The following FAM117B variants were observed in gnomAD, a reference collection of about 807,000 sequenced individuals.
FAM117B encodes protein FAM117B.
FAM117B carries 22 observed loss-of-function variants against 52.8 expected under a neutral mutation model. The observed-to-expected ratio is 0.42, with a 90% confidence interval of 0.30 to 0.59. The LOEUF is 0.59. Among genes scored for constraint, FAM117B ranks in the 20% least tolerant of loss-of-function variants. FAM117B has a pLI of 0.22. For missense variants in FAM117B, 678 were observed against 802.6 expected, an observed-to-expected ratio of 0.84 and a Z score of 1.88; for synonymous variants, 309 against 324.1, an observed-to-expected ratio of 0.95 and a Z score of 0.50.
chr2:202,719,728 C>A (rs1691120209), intron 2 of FAM117B, among the ~76,000 whole-genome samples: 1 of 152,132 alleles, frequency 6.6e-6, no homozygotes, highest in Admixed American at 6.5e-5. Flanking sequence ...GTAGCAATTT[C>A]CCCTGTAAGC....
At chr2:202,735,641 A>T (rs1319871268) in intron 4 of FAM117B, among the ~76,000 whole-genome samples, 3 of 152,258 alleles carry the variant, frequency 2.0e-5, no homozygotes, top group African/African-American at 7.2e-5. Context: ...TCATTAGAAA[A>T]TATAGCCAAC....
intron 4 of FAM117B, among the ~76,000 whole-genome samples, chr2:202,743,307 A>G (rs563283566): frequency 7.9e-5 from 12 of 152,302 alleles, no homozygotes; most frequent in Admixed American, 5.2e-4. Context: ...GGCCAAAGAA[A>G]TCATATAGAG....
intron 4 of FAM117B, among the ~76,000 whole-genome samples, chr2:202,727,512 T>A (rs1048831971): frequency 2.6e-5 from 4 of 151,908 alleles, no homozygotes; most frequent in African/African-American, 9.7e-5. Flanking sequence ...TGTATAAATA[T>A]AAATATATTT....
intron 1 of FAM117B, among the ~76,000 whole-genome samples, chr2:202,638,911 C>T (rs75977038): frequency 0.024 from 3,610 of 152,308 alleles, 131 homozygotes; most frequent in African/African-American, 0.081. Flanking sequence ...TGTTGTTTCA[C>T]TCTAGTAAAT....
rs529241705 is a variant in FAM117B at position 202,655,945 on chromosome 2, G to A, written c.601+20157G>A. Among the ~76,000 whole-genome samples, 28 of 152,230 alleles carry A rather than the reference G, an allele frequency of 1.8e-4. 1 individual carries two copies. The South Asian group carries it at 4.3e-3, about 24-fold the overall frequency. On this transcript the variant is annotated intron_variant, in intron 1 of 7. Coordinates refer to ENST00000392238, the MANE Select transcript of FAM117B (RefSeq NM_173511.4). ...AATTCAGCTTATTTAATAGATACAG[G>A]ACTATTAGGTTATCTCTTTTTTGAG...
intron 1 of FAM117B, among the ~76,000 whole-genome samples, chr2:202,649,499 A>T (rs1221496246): frequency 1.3e-5 from 2 of 152,058 alleles, no homozygotes; most frequent in East Asian, 3.8e-4. Context: ...TTATTCATCA[A>T]ATATTTTCTC....
intron 1 of FAM117B, among the ~76,000 whole-genome samples, chr2:202,691,087 T>C (rs1373335466): frequency 6.6e-6 from 1 of 152,162 alleles, no homozygotes; most frequent in African/African-American, 2.4e-5. Context: ...TTTTTACATG[T>C]ATAACTCATC....
At chr2:202,754,888 CAAAAAAAAAAA>C (rs149747057) in intron 4 of FAM117B, among the ~76,000 whole-genome samples, 2 of 85,716 alleles carry the variant, frequency 2.3e-5, no homozygotes, top group African/African-American at 4.8e-5. Context: ...AGATTCGTCT[CAAAAAAAAAAA>C]AAAAAAAAGA....
chr2:202,684,590 A>G (rs1230034506), intron 1 of FAM117B, among the ~76,000 whole-genome samples: 1 of 152,212 alleles, frequency 6.6e-6, no homozygotes, highest in Non-Finnish European at 1.5e-5. Flanking sequence ...CAAGCACAGT[A>G]CTGAAGTGCT....
intron 4 of FAM117B, among the ~76,000 whole-genome samples, chr2:202,747,661 G>T (rs1438990213): frequency 6.6e-6 from 1 of 151,920 alleles, no homozygotes; most frequent in Non-Finnish European, 1.5e-5. Flanking sequence ...CACTCACAGT[G>T]AACTAGCTAA....
Position 202,695,984 on chromosome 2 carries a change from G to T in FAM117B, c.705G>T (p.Arg235=). The change falls in exon 2 of 8, where the codon CGG becomes CGT. Residue 235 remains arginine (R), a synonymous_variant. Transcript: ENST00000392238. ...CGTATCTTGCTGGACACTGGCCTCG[G>T]GATAGCCATGGGCAAGCTGCACCTT... The part of the protein sequence containing the change: ...AAPYLAGHWP[R]DSHGQAAPCM... 6.2e-7 allele frequency: 1 copy of T among 1,614,126 alleles called. No homozygotes were observed. Among genetic ancestry groups the T allele is most frequent in the Non-Finnish European group, 8.5e-7 (1 of 1,180,012 alleles).
intron 1 of FAM117B, among the ~76,000 whole-genome samples, chr2:202,655,093 A>G (rs1382002913): frequency 9.9e-5 from 15 of 152,128 alleles, no homozygotes; most frequent in Non-Finnish European, 1.3e-4. Context: ...TTTGGTTCCT[A>G]TAGTTTTACT....
chr2:202,675,445 C>CAAAAAA (rs386392341), intron 1 of FAM117B, among the ~76,000 whole-genome samples: 9 of 67,770 alleles, frequency 1.3e-4, no homozygotes, highest in South Asian at 7.6e-4. Flanking sequence ...GACCTTATCT[C>CAAAAAA]AAAAAAAAAA....
intron 4 of FAM117B, among the ~76,000 whole-genome samples, chr2:202,747,391 A>G (rs771102718): frequency 5.3e-5 from 8 of 152,198 alleles, no homozygotes; most frequent in Non-Finnish European, 1.2e-4. Context: ...CATTTTCACC[A>G]GTTATTCAGT....
At chr2:202,755,310 C>T (rs1001021837) in intron 4 of FAM117B, among the ~76,000 whole-genome samples, 3 of 152,144 alleles carry the variant, frequency 2.0e-5, no homozygotes, top group Non-Finnish European at 4.4e-5. Context: ...CCTTTGCAGT[C>T]GTTCACAGAT....
At position 202,691,228 on chromosome 2, in the gene FAM117B, C is replaced by T. The variant is rs561832826; in HGVS notation, c.602-4653C>T. The stretch of plus-strand genomic sequence containing the variant: ...GTCAGGAGTTGGAGACCAGCCTGGC[C>T]AACATGGAGAAACGCTGTCTCTACT... On this transcript the variant is annotated intron_variant, in intron 1 of 7. Coordinates refer to ENST00000392238, the MANE Select transcript of FAM117B (RefSeq NM_173511.4). 6.9e-4 allele frequency among the ~76,000 whole-genome samples: 105 copies of T among 152,130 alleles called. 1 individual carries two copies. Among genetic ancestry groups the T allele is most frequent in the African/African-American group, 2.4e-3 (99 of 41,508 alleles).
At chr2:202,757,076 C>A in intron 5 of FAM117B, 137 bp from the exon 6 acceptor site, 1 of 884,834 alleles carries the variant, frequency 1.1e-6, no homozygotes, top group Non-Finnish European at 1.7e-6. Flanking sequence ...TAACGTGCAA[C>A]ATGAAATCCT....
chr2:202,680,259 CA>C (rs1027412222), intron 1 of FAM117B, among the ~76,000 whole-genome samples: 1 of 151,520 alleles, frequency 6.6e-6, no homozygotes, highest in Non-Finnish European at 1.5e-5. Context: ...GGAAGAGCCA[CA>C]AAAAAAGTCT....
chr2:202,635,137 A>C lies in FAM117B; in HGVS notation c.-51A>C, dbSNP rs961671326. ...CTCGAGAATCCTCCCCCTGCAGCCC[A>C]ACAACAACAAAACCCCCCGTCTCGC... On this transcript the variant is annotated 5_prime_UTR_variant, in exon 1 of 8. Coordinates refer to ENST00000392238, the MANE Select transcript of FAM117B (RefSeq NM_173511.4). 3 of 1,248,816 alleles carry C rather than the reference A, an allele frequency of 2.4e-6. No homozygotes were observed. The African/African-American group carries it at 4.7e-5, about 19-fold the overall frequency. 77.4% of individuals were successfully genotyped at this position (1,248,816 alleles called of 1,614,324 possible). A position where few individuals can be genotyped will look rare whatever the true frequency, so the allele number is the denominator to read the frequency against.
Sources: gnomAD v4.1 joint callset for allele counts (sites outside exome capture counted in the v4.1 genomes callset) on GRCh38, gnomAD v4.1.1 for gene constraint, MANE v1.5 for transcripts, NCBI Gene and HGNC (gene_info 2026-07-23, HGNC 2026-07-21) for gene names.